The following ZNF410 variants were observed in gnomAD, a reference collection of about 807,000 sequenced individuals.
ZNF410 encodes another partner for ARF 1.
In ZNF410, 18 loss-of-function variants were observed where a neutral mutation model predicts 54.8. That is an observed-to-expected ratio of 0.33 (90% CI 0.23 to 0.49). The LOEUF (loss-of-function observed/expected upper bound fraction) is 0.49, where lower values mean the gene tolerates loss of function less well. ZNF410 is among the 20% of genes least tolerant of loss of function. The pLI is 0.99. For missense variants in ZNF410, 405 were observed against 569.6 expected, an observed-to-expected ratio of 0.71 and a Z score of 2.94; for synonymous variants, 191 against 207.3, an observed-to-expected ratio of 0.92 and a Z score of 0.68.
intron 1 of ZNF410, among the ~76,000 whole-genome samples, chr14:73,890,648 G>A (rs941820514): frequency 6.6e-6 from 1 of 152,098 alleles, no homozygotes; most frequent in Non-Finnish European, 1.5e-5. Context: ...AGTAACAATT[G>A]TACAAAATAA....
chr14:73,917,541 G>C (rs183595132), intron 8 of ZNF410, among the ~76,000 whole-genome samples: 1 of 152,206 alleles, frequency 6.6e-6, no homozygotes, highest in African/African-American at 2.4e-5. Context: ...TGTGCAGTCC[G>C]GCCGGGCATG....
At chr14:73,924,228 T>C (rs1454814558) in intron 11 of ZNF410, among the ~76,000 whole-genome samples, 1 of 152,212 alleles carries the variant, frequency 6.6e-6, no homozygotes, top group African/African-American at 2.4e-5. Flanking sequence ...GTGCGCAACC[T>C]AGATCCCTCA....
At chr14:73,903,456 T>C (rs896043272) in intron 5 of ZNF410, among the ~76,000 whole-genome samples, 4 of 152,168 alleles carry the variant, frequency 2.6e-5, no homozygotes, top group Non-Finnish European at 5.9e-5. Context: ...AGTAAGGGAA[T>C]GAGGATGTAG....
In ZNF410 at chr14:73,892,140, TC is replaced by T; in HGVS notation, c.-32del. 1 of 1,612,374 alleles carries T rather than the reference TC, an allele frequency of 6.2e-7. No individual in the cohort carries two copies. On this transcript the variant is annotated 5_prime_UTR_variant, in exon 2 of 12. Transcript: ENST00000555044. ...TGGCTCTGAATTAAATTTGAACTTG[TC>T]CCCTGAATAGCTACAGGTTTTGGAA...
At chr14:73,924,347 C>T (rs774498303) in intron 11 of ZNF410, among the ~76,000 whole-genome samples, 11 of 152,180 alleles carry the variant, frequency 7.2e-5, no homozygotes, top group Non-Finnish European at 1.3e-4. Flanking sequence ...CTGCTGCTCA[C>T]CTCCTGCTGT....
chr14:73,892,581 A>G (rs1595384139), intron 2 of ZNF410, among the ~76,000 whole-genome samples: 1 of 151,954 alleles, frequency 6.6e-6, no homozygotes, highest in East Asian at 1.9e-4. Flanking sequence ...ATATATCTGT[A>G]AGTATTTTCT....
At chr14:73,889,877 A>G (rs2055200508) in intron 1 of ZNF410, among the ~76,000 whole-genome samples, 1 of 150,152 alleles carries the variant, frequency 6.7e-6, no homozygotes, top group African/African-American at 2.5e-5. Flanking sequence ...GCTCACTGCA[A>G]TCTCCATCTC....
intron 11 of ZNF410, among the ~76,000 whole-genome samples, chr14:73,926,170 T>C (rs1433532329): frequency 2.0e-5 from 3 of 152,216 alleles, no homozygotes; most frequent in African/African-American, 7.2e-5. Flanking sequence ...TTTCAGTATA[T>C]GCCTCTAACA....
intron 3 of ZNF410, among the ~76,000 whole-genome samples, chr14:73,895,937 C>T (rs1165010615): frequency 6.6e-6 from 1 of 152,222 alleles, no homozygotes; most frequent in Non-Finnish European, 1.5e-5. Flanking sequence ...AGGGAGCTCT[C>T]TCCAGGAAAA....
intron 8 of ZNF410, chr14:73,916,291 A>G (rs1407819311): frequency 6.6e-6 from 1 of 152,190 alleles, no homozygotes; most frequent in Admixed American, 6.5e-5. Flanking sequence ...AGTGATTCTC[A>G]TGCCACAGTT....
At chr14:73,916,057 T>C (rs1407053337) in intron 8 of ZNF410, 2 of 150,270 alleles carry the variant, frequency 1.3e-5, no homozygotes, top group African/African-American at 2.5e-5. Flanking sequence ...CTGGGCAGCA[T>C]AGGGAGACCT....
intron 1 of ZNF410, chr14:73,891,712 G>GGTGT: frequency 3.5e-6 from 1 of 284,296 alleles, no homozygotes; most frequent in African/African-American, 2.2e-5. Flanking sequence ...CCTAATTGGG[G>GGTGT]GTGTGTGTGT....
chr14:73,891,902 C>T lies in ZNF410; in HGVS notation c.-149-125C>T, dbSNP rs561415909. The stretch of plus-strand genomic sequence containing the variant: ...TTGTTGTATTTTAAAAGAAGTGTTT[C>T]GGTTTGAATTCTTTATTTGCTTGCT... On this transcript the variant is annotated intron_variant, in intron 1 of 11. Transcript: ENST00000555044. The T allele has an allele frequency of 3.2e-4, 192 of 599,324 alleles. 1 individual carries two copies. The highest frequency in any genetic ancestry group is 3.1e-3 in the African/African-American group (165 of 52,564). The allele number at this position is 599,324 out of a possible 1,614,324, so 37.1% of individuals were successfully genotyped here. A position where few individuals can be genotyped will look rare whatever the true frequency, so the allele number is the denominator to read the frequency against.
At chr14:73,901,477 A>G (rs2055405507) in intron 5 of ZNF410, among the ~76,000 whole-genome samples, 1 of 151,528 alleles carries the variant, frequency 6.6e-6, no homozygotes, top group African/African-American at 2.4e-5. Flanking sequence ...ATATATTGAT[A>G]ATCTTCATTC....
At chr14:73,921,851 C>T (rs1316548050) in intron 9 of ZNF410, among the ~76,000 whole-genome samples, 6 of 152,138 alleles carry the variant, frequency 3.9e-5, no homozygotes, top group African/African-American at 9.7e-5. Flanking sequence ...ATTCTTCAGA[C>T]GCTGAACACA....
At chr14:73,898,297 T>C (rs368349141) in intron 5 of ZNF410, 35 bp downstream of exon 5, 9 of 1,610,232 alleles carry the variant, frequency 5.6e-6, no homozygotes, top group Middle Eastern at 3.3e-4. Flanking sequence ...GCCACTATTC[T>C]GTGCAAAGAG....
intron 4 of ZNF410, among the ~76,000 whole-genome samples, chr14:73,897,199 CT>C (rs1013480411): frequency 8.5e-5 from 13 of 152,136 alleles, no homozygotes; most frequent in Non-Finnish European, 1.5e-4. Context: ...GCAATTGTTA[CT>C]GTGGTAGCTG....
At chr14:73,922,440 T>A (rs1160723784) in intron 10 of ZNF410, 2 of 305,826 alleles carry the variant, frequency 6.5e-6, no homozygotes, top group Admixed American at 4.5e-5. Context: ...TAAGAAAAAA[T>A]TATTCCTAAT....
chr14:73,901,456 T>C (rs2055405231), intron 5 of ZNF410, among the ~76,000 whole-genome samples: 1 of 151,948 alleles, frequency 6.6e-6, no homozygotes, highest in African/African-American at 2.4e-5. Context: ...TTGCGTTATA[T>C]TTATTTGACC....
Sources: allele counts gnomAD v4.1 joint callset (sites outside exome capture counted in the v4.1 genomes callset), GRCh38; gene constraint gnomAD v4.1.1; transcripts MANE v1.5; gene names NCBI Gene and HGNC (gene_info 2026-07-23, HGNC 2026-07-21).